The following CCND3 variants were observed in gnomAD, a reference collection of about 807,000 sequenced individuals.
CCND3 encodes cyclin D3.
CCND3 carries 9 observed loss-of-function variants against 28.7 expected under a neutral mutation model. That is an observed-to-expected ratio of 0.31 (90% CI 0.19 to 0.55). The LOEUF is 0.55. CCND3 is among the 20% of genes least tolerant of loss of function. CCND3 has a pLI of 0.93. For synonymous variants in CCND3, 164 were observed against 163.9 expected (o/e 1.00, Z 0.00); for missense variants, 315 against 385.8 (o/e 0.82, Z 1.54).
intron 1 of CCND3, among the ~76,000 whole-genome samples, chr6:42,016,478 C>T (rs1187437204): frequency 6.6e-6 from 1 of 152,134 alleles, no homozygotes; most frequent in Non-Finnish European, 1.5e-5. Flanking sequence ...AATAATAGCT[C>T]CTACCTCACT....
At chr6:42,031,556 A>G (rs1280421544) in intron 1 of CCND3, among the ~76,000 whole-genome samples, 1 of 152,206 alleles carries the variant, frequency 6.6e-6, no homozygotes, top group African/African-American at 2.4e-5. Flanking sequence ...ATACTTATGG[A>G]AACACAACTC....
At chr6:41,940,692 A>AG (rs1382550615) in intron 1 of CCND3, 107 bp from the exon 2 acceptor site, 1 of 817,668 alleles carries the variant, frequency 1.2e-6, no homozygotes, top group Non-Finnish European at 2.1e-6. Flanking sequence ...AACGGCAGAG[A>AG]GGGTAAGCTA....
At chr6:42,013,999 G>A (rs915632318) in intron 1 of CCND3, among the ~76,000 whole-genome samples, 2 of 151,392 alleles carry the variant, frequency 1.3e-5, no homozygotes, top group African/African-American at 2.4e-5. Context: ...GTGAACCCGG[G>A]AGGCGGAGGT....
intron 1 of CCND3, among the ~76,000 whole-genome samples, chr6:41,971,710 T>C (rs1250948170): frequency 6.6e-6 from 1 of 151,556 alleles, no homozygotes; most frequent in Non-Finnish European, 1.5e-5. Flanking sequence ...CAGCTAATTT[T>C]TGTATTTCTA....
Position 41,937,409 on chromosome 6 carries a change from A to G in CCND3, c.415-15T>C. The G allele has an allele frequency of 6.2e-7, 1 of 1,613,810 alleles. No individual in the cohort carries two copies. ...ACCTCCCAGTCCTGAAAAAGCGGGG[A>G]AAGGGTGGGGTCAGTGGCTGGAGAA... On this transcript the variant is annotated splice_polypyrimidine_tract_variant and intron_variant, in intron 2 of 4. Coordinates refer to ENST00000372991, the MANE Select transcript of CCND3 (RefSeq NM_001760.5).
Position 42,048,709 on chromosome 6 carries a change from C to T in CCND3, c.-254G>A, listed in dbSNP as rs73428399. On this transcript the variant is annotated 5_prime_UTR_variant, in exon 1 of 5. Transcript: ENST00000372988. The surrounding 1 kb of genome is among the most constrained non-coding windows in gnomAD (Gnocchi z 4.7). ...TGTTTACAAAGTCCGCGCCGCGCCG[C>T]CGATCCAGAGCTGGGCAGGAAGTGG... The T allele has an allele frequency of 4.5e-3, 2,307 of 514,778 alleles. 44 individuals are homozygous for T. The highest frequency in any genetic ancestry group is 0.04 in the African/African-American group (2,077 of 51,988). 31.9% of individuals were successfully genotyped at this position (514,778 alleles called of 1,614,324 possible).
At chr6:41,983,754 G>A (rs1762409503) in intron 1 of CCND3, among the ~76,000 whole-genome samples, 1 of 152,120 alleles carries the variant, frequency 6.6e-6, no homozygotes, top group Non-Finnish European at 1.5e-5. Context: ...GCTCAGGTAG[G>A]AGGATCGCTT....
At chr6:41,997,105 AG>A (rs1257809701) in intron 1 of CCND3, among the ~76,000 whole-genome samples, 1 of 152,196 alleles carries the variant, frequency 6.6e-6, no homozygotes, top group Non-Finnish European at 1.5e-5. Flanking sequence ...ATGCACAGAA[AG>A]GACCTGTCTT....
chr6:41,996,122 T>TAA (rs1280351150), intron 1 of CCND3, among the ~76,000 whole-genome samples: 2 of 55,404 alleles, frequency 3.6e-5, no homozygotes, highest in South Asian at 8.8e-4. Flanking sequence ...TATATATATA[T>TAA]AATATATATA....
chr6:41,985,259 AAGTTTTCTTCCAGT>A (rs1002266180), intron 1 of CCND3, among the ~76,000 whole-genome samples: 18 of 148,506 alleles, frequency 1.2e-4, no homozygotes, highest in Non-Finnish European at 2.2e-4. Context: ...CTTTCTCCCT[AAGTTTTCTTCCAGT>A]AGTTTTACAG....
intron 1 of CCND3, among the ~76,000 whole-genome samples, chr6:41,980,010 T>TCACACACACACACACACACA (rs58375638): frequency 0.37 from 51,165 of 136,690 alleles, 11,106 homozygotes; most frequent in East Asian, 0.48. Flanking sequence ...GCTTTCAAAA[T>TCACACACACACACACACACA]CACACACACA....
At chr6:41,950,180 C>CT (rs1195620174) in intron 1 of CCND3, among the ~76,000 whole-genome samples, 1 of 151,714 alleles carries the variant, frequency 6.6e-6, no homozygotes, top group African/African-American at 2.4e-5. Context: ...ATAAATGAGG[C>CT]TTTCCTGTTC....
Position 41,936,222 on chromosome 6 carries a change from G to T in CCND3, c.712-115C>A. The T allele has an allele frequency of 8.6e-7, 1 of 1,165,680 alleles. No individual in the cohort carries two copies. Among genetic ancestry groups the T allele is most frequent in the Non-Finnish European group, 1.2e-6 (1 of 835,940 alleles). 72.2% of individuals were successfully genotyped at this position (1,165,680 alleles called of 1,614,324 possible). On this transcript the variant is annotated intron_variant, in intron 4 of 4. Coordinates refer to ENST00000372991, the MANE Select transcript of CCND3 (RefSeq NM_001760.5). The surrounding 1 kb of genome is among the most constrained non-coding windows in gnomAD (Gnocchi z 4.4). ...GGAAGTCTGGGGAGGTTAGGCCACA[G>T]CCCGGCCCCAGGAATCGCTCTTTAG...
At chr6:42,032,092 ACT>A (rs1417497268) in intron 1 of CCND3, among the ~76,000 whole-genome samples, 1 of 151,174 alleles carries the variant, frequency 6.6e-6, no homozygotes, top group Non-Finnish European at 1.5e-5. Context: ...CACCTGGCCG[ACT>A]CTTTTTTAAG....
intron 1 of CCND3, among the ~76,000 whole-genome samples, chr6:42,033,255 C>T (rs961522590): frequency 2.0e-5 from 3 of 151,862 alleles, no homozygotes; most frequent in African/African-American, 7.2e-5. Flanking sequence ...AGTTCGAGAC[C>T]AGCCTGGCCA....
At chr6:42,023,424 A>G (rs561547107) in intron 1 of CCND3, among the ~76,000 whole-genome samples, 1 of 152,312 alleles carries the variant, frequency 6.6e-6, no homozygotes, top group African/African-American at 2.4e-5. Context: ...TTAACTATAT[A>G]TTCAATAAGG....
intron 1 of CCND3, among the ~76,000 whole-genome samples, chr6:41,969,310 G>A (rs1349301369): frequency 3.3e-5 from 5 of 151,852 alleles, no homozygotes; most frequent in Admixed American, 6.6e-5. Flanking sequence ...TCAAGAGATT[G>A]AGACCATCCT....
At chr6:41,961,021 C>G (rs1761702322) in intron 1 of CCND3, among the ~76,000 whole-genome samples, 1 of 152,174 alleles carries the variant, frequency 6.6e-6, no homozygotes, top group African/African-American at 2.4e-5. Flanking sequence ...GGGAAGAGGA[C>G]AGCACACACA....
intron 1 of CCND3, among the ~76,000 whole-genome samples, chr6:41,999,504 G>A (rs933793295): frequency 4.6e-5 from 7 of 152,148 alleles, no homozygotes; most frequent in Middle Eastern, 3.4e-3. Flanking sequence ...GTGCCTGGCC[G>A]ATAATTATTC....
Sources: gnomAD v4.1 joint callset for allele counts (sites outside exome capture counted in the v4.1 genomes callset) on GRCh38, gnomAD v4.1.1 for gene constraint, Gnocchi (gnomAD v3.1) non-coding constraint, MANE v1.5 for transcripts, NCBI Gene and HGNC (gene_info 2026-07-23, HGNC 2026-07-21) for gene names.